Variants in TNR observed in about 807,000 individuals in gnomAD.
TNR encodes tenascin-R.
TNR carries 45 observed loss-of-function variants against 150.4 expected under a neutral mutation model. The observed-to-expected ratio is 0.30, with a 90% CI of 0.24 to 0.38. The LOEUF is 0.38. Ranked by LOEUF, TNR falls within the 10% of genes least tolerant of loss-of-function variation. The pLI is 1.00. For missense variants in TNR, 1,544 were observed against 1,759.1 expected, an observed-to-expected ratio of 0.88 and a Z score of 2.19; for synonymous variants, 687 against 678.4, an observed-to-expected ratio of 1.01 and a Z score of -0.20.
chr1:175,560,204 T>C (rs1042181261), intron 1 of TNR, among the ~76,000 whole-genome samples: 1 of 152,240 alleles, frequency 6.6e-6, no homozygotes, highest in Non-Finnish European at 1.5e-5. Flanking sequence ...GAATTTCACC[T>C]TGTTAGTTTT....
intron 1 of TNR, among the ~76,000 whole-genome samples, chr1:175,684,786 T>C (rs745487661): frequency 4.6e-5 from 7 of 152,216 alleles, no homozygotes; most frequent in Non-Finnish European, 8.8e-5. Flanking sequence ...GTTGACAGTA[T>C]ACATGATCAT....
intron 7 of TNR, among the ~76,000 whole-genome samples, chr1:175,388,236 G>A (rs1653021297): frequency 6.6e-6 from 1 of 151,670 alleles, no homozygotes; most frequent in African/African-American, 2.4e-5. Context: ...AGAAGGGGAA[G>A]CATTTCAATA....
At chr1:175,491,221 G>A (rs1658232839) in intron 2 of TNR, among the ~76,000 whole-genome samples, 1 of 152,094 alleles carries the variant, frequency 6.6e-6, no homozygotes, top group Non-Finnish European at 1.5e-5. Flanking sequence ...CCTGTCAGAG[G>A]GGAGCTTGGG....
At chr1:175,511,527 A>C (rs1659172208) in intron 2 of TNR, among the ~76,000 whole-genome samples, 1 of 152,224 alleles carries the variant, frequency 6.6e-6, no homozygotes, top group African/African-American at 2.4e-5. Flanking sequence ...AGGTCTCTAC[A>C]TTCCCTCTAT....
intron 1 of TNR, among the ~76,000 whole-genome samples, chr1:175,550,016 A>T (rs1660875071): frequency 6.6e-6 from 1 of 152,132 alleles, no homozygotes; most frequent in African/African-American, 2.4e-5. Flanking sequence ...GAGCTAACAC[A>T]CTCTCTAAAA....
chr1:175,445,193 C>T (rs1204866893), intron 2 of TNR, among the ~76,000 whole-genome samples: 2 of 152,132 alleles, frequency 1.3e-5, no homozygotes, highest in South Asian at 2.1e-4. Context: ...TAGAGTGAAC[C>T]TGGGAGGCGG....
At chr1:175,366,198 G>A (rs1651835525) in intron 10 of TNR, 60 bp from the exon 11 acceptor site, 1 of 1,507,512 alleles carries the variant, frequency 6.6e-7, no homozygotes, top group African/African-American at 1.4e-5. Context: ...AGTATTTATT[G>A]GCCTGCTTTG....
chr1:175,576,779 A>T (rs868489684), intron 1 of TNR, among the ~76,000 whole-genome samples: 9 of 152,116 alleles, frequency 5.9e-5, no homozygotes, highest in African/African-American at 1.9e-4. Context: ...CTATTTTTTT[A>T]GATGCCACCT....
At chr1:175,547,755 C>T (rs1413798348) in intron 1 of TNR, among the ~76,000 whole-genome samples, 1 of 152,094 alleles carries the variant, frequency 6.6e-6, no homozygotes, top group East Asian at 1.9e-4. Context: ...TGCAAAGGCA[C>T]CAAAGTGTGA....
At chr1:175,551,372 A>G (rs902639120) in intron 1 of TNR, among the ~76,000 whole-genome samples, 9 of 152,232 alleles carry the variant, frequency 5.9e-5, no homozygotes, top group South Asian at 2.1e-4. Flanking sequence ...CCTCTGATGC[A>G]CCATTTCTAA....
intron 9 of TNR, among the ~76,000 whole-genome samples, chr1:175,377,905 C>T (rs902184608): frequency 6.6e-6 from 1 of 152,198 alleles, no homozygotes; most frequent in Admixed American, 6.5e-5. Flanking sequence ...CCCCCATTTC[C>T]AGTCTTCTAC....
chr1:175,685,994 G>T (rs1666187656), intron 1 of TNR, among the ~76,000 whole-genome samples: 2 of 152,024 alleles, frequency 1.3e-5, no homozygotes, highest in South Asian at 4.2e-4. Flanking sequence ...GGCTCCTTTT[G>T]CAAGAAGCTT....
At chr1:175,357,514 C>T (rs1204672207) in intron 15 of TNR, among the ~76,000 whole-genome samples, 1 of 151,928 alleles carries the variant, frequency 6.6e-6, no homozygotes, top group Non-Finnish European at 1.5e-5. Context: ...TTTTAATGTC[C>T]CCCTTTGCAC....
intron 2 of TNR, among the ~76,000 whole-genome samples, chr1:175,431,915 C>CTCTCTCTCTCTCTCTCTCTCTCCT (rs1655285894): frequency 6.6e-6 from 1 of 151,502 alleles, no homozygotes; most frequent in African/African-American, 2.4e-5. Flanking sequence ...CATAATATCT[C>CTCTCTCTCTCTCTCTCTCTCTCCT]TCTCTCTCTC....
chr1:175,330,643 T>C (rs1173890392), intron 20 of TNR: 1 of 148,964 alleles, frequency 6.7e-6, no homozygotes, highest in Non-Finnish European at 1.4e-5. Context: ...GGTGAAAACA[T>C]TGATTAGAGG....
intron 1 of TNR, among the ~76,000 whole-genome samples, chr1:175,542,259 C>A (rs1344046575): frequency 2.0e-5 from 3 of 152,132 alleles, no homozygotes; most frequent in African/African-American, 7.2e-5. Context: ...AATACTATAC[C>A]CCTCCTCTCT....
intron 1 of TNR, among the ~76,000 whole-genome samples, chr1:175,589,946 T>C (rs1410665309): frequency 6.6e-6 from 1 of 152,136 alleles, no homozygotes; most frequent in Non-Finnish European, 1.5e-5. Context: ...TGTATACCTA[T>C]GTAACAAATC....
chr1:175,724,270 G>C (rs1220513809), intron 1 of TNR, among the ~76,000 whole-genome samples: 1 of 152,160 alleles, frequency 6.6e-6, no homozygotes. Flanking sequence ...CTTCTGGGGA[G>C]GTCTCAGGAA....
At chr1:175,604,231 C>T (rs1663342880) in intron 1 of TNR, among the ~76,000 whole-genome samples, 1 of 152,160 alleles carries the variant, frequency 6.6e-6, no homozygotes, top group African/African-American at 2.4e-5. Context: ...CACTCCATCC[C>T]TTCAGCCCAG....
Sources: gnomAD v4.1 joint callset for allele counts (sites outside exome capture counted in the v4.1 genomes callset) on GRCh38, gnomAD v4.1.1 for gene constraint, MANE v1.5 for transcripts, NCBI Gene and HGNC (gene_info 2026-07-23, HGNC 2026-07-21) for gene names.